The following CTDP1 variants were observed in gnomAD, a reference collection of about 807,000 sequenced individuals.
CTDP1 encodes RNA polymerase II subunit A C-terminal domain phosphatase.
A neutral mutation model predicts 91.8 loss-of-function variants in CTDP1; 47 were observed. The observed-to-expected ratio is 0.51, with a 90% CI of 0.41 to 0.65. The LOEUF (loss-of-function observed/expected upper bound fraction) is 0.65, where lower values mean the gene tolerates loss of function less well. Ranked by LOEUF, CTDP1 falls within the 30% of genes least tolerant of loss-of-function variation. The probability of loss-of-function intolerance (pLI) is 0.00; values close to 1 mark genes in which losing one functional copy is unlikely to be tolerated. For synonymous variants in CTDP1, 656 were observed against 598.5 expected, an observed-to-expected ratio of 1.10 and a Z score of -1.40; for missense variants, 1,272 against 1,373.7, an observed-to-expected ratio of 0.93 and a Z score of 1.17.
chr18:79,717,130 C>T (rs1408746599), intron 8 of CTDP1, among the ~76,000 whole-genome samples: 4 of 144,256 alleles, frequency 2.8e-5, no homozygotes, highest in Non-Finnish European at 4.5e-5. Flanking sequence ...TGGTGGGGTA[C>T]AGCTGGGTGA....
At chr18:79,715,602 A>G (rs2086191046) in intron 8 of CTDP1, 74 bp downstream of exon 8, 12 of 1,374,086 alleles carry the variant, frequency 8.7e-6, no homozygotes, top group African/African-American at 1.4e-5. Context: ...TAGAGTTGGC[A>G]TTGCTGTTTA....
chr18:79,682,670 C>T (rs564346092), intron 1 of CTDP1, among the ~76,000 whole-genome samples: 119 of 152,310 alleles, frequency 7.8e-4, no homozygotes, highest in Middle Eastern at 3.4e-3. Context: ...TTATACAGAG[C>T]GCTGACTTTC....
At position 79,714,629 on chromosome 18, in the gene CTDP1, C is replaced by A; in HGVS notation, c.1169C>A (p.Ala390Asp). ...PARELNGSEA[A>D]TPRDSPRPGK... is the part of the protein sequence containing the mutation. Reference sequence around the variant, plus strand: ...CGGGAGCTGAACGGCAGCGAGGCCGCCACCCCGCGGGACTCACCCCGCCCC... The same window carrying A: ...CGGGAGCTGAACGGCAGCGAGGCCGACACCCCGCGGGACTCACCCCGCCCC... The change falls in exon 8 of 13, where the codon GCC becomes GAC. Residue 390 changes from alanine to aspartate, a missense_variant. This residue lies in a region of CTDP1 where 881 missense variants were observed against 911.6 expected (regional missense o/e 0.97). Coordinates refer to ENST00000613122, the MANE Select transcript of CTDP1 (RefSeq NM_004715.5). 6.2e-7 allele frequency: 1 copy of A among 1,612,488 alleles called. No homozygotes were observed. The highest frequency in any genetic ancestry group is 8.5e-7 in the Non-Finnish European group (1 of 1,179,818).
chr18:79,695,088 A>G, intron 1 of CTDP1, 137 bp from the exon 2 acceptor site: 1 of 775,774 alleles, frequency 1.3e-6, no homozygotes, highest in Non-Finnish European at 2.3e-6. Flanking sequence ...TCAAGGGGTG[A>G]TGTCACCTGC....
intron 12 of CTDP1, among the ~76,000 whole-genome samples, chr18:79,747,495 G>T (rs56378884): frequency 0.13 from 19,292 of 152,254 alleles, 1,602 homozygotes; most frequent in Non-Finnish European, 0.19. Flanking sequence ...GCTTTCCTTG[G>T]CAGAGCCCAG....
chr18:79,727,203 A>ATTTAGT (rs1323889335), intron 10 of CTDP1, among the ~76,000 whole-genome samples: 1 of 152,234 alleles, frequency 6.6e-6, no homozygotes, highest in Non-Finnish European at 1.5e-5. Flanking sequence ...GGTTTTTAAC[A>ATTTAGT]TTTAGTTGAA....
chr18:79,717,554 G>A lies in CTDP1; in HGVS notation c.2088G>A (p.Gln696=), dbSNP rs148191363. The change falls in exon 9 of 13, where the codon CAG becomes CAA. Residue 696 remains glutamine, a synonymous_variant. Transcript: ENST00000613122. ...AARAGTEKVL[Q]AQECGHLHVV... is the part of the protein sequence containing the mutation. ...CTGCAGGCACAGAGAAGGTGCTGCA[G>A]GCACAGGAGTGCGGACACCTGCACG... 1.2e-6 allele frequency: 2 copies of A among 1,613,564 alleles called. No individual in the cohort carries two copies. Among genetic ancestry groups the A allele is most frequent in the Middle Eastern group, 3.4e-4 (2 of 5,866 alleles).
chr18:79,720,977 T>C (rs1029599535), intron 10 of CTDP1, among the ~76,000 whole-genome samples: 4 of 152,198 alleles, frequency 2.6e-5, no homozygotes, highest in Non-Finnish European at 4.4e-5. Context: ...TACCAGTTTA[T>C]TTTAAAGGCT....
At chr18:79,731,122 G>A (rs576085426) in intron 11 of CTDP1, among the ~76,000 whole-genome samples, 3 of 152,328 alleles carry the variant, frequency 2.0e-5, no homozygotes, top group South Asian at 4.1e-4. Flanking sequence ...CTCCCTGGAG[G>A]CTGCCGTGGC....
chr18:79,710,224 T>C, intron 5 of CTDP1, 122 bp from the exon 6 acceptor site: 3 of 810,712 alleles, frequency 3.7e-6, no homozygotes, highest in Non-Finnish European at 6.6e-6. Flanking sequence ...ATGAAGTGTT[T>C]GGTGCCAGTT....
At chr18:79,701,220 A>G (rs1024328299) in intron 4 of CTDP1, among the ~76,000 whole-genome samples, 1 of 152,172 alleles carries the variant, frequency 6.6e-6, no homozygotes. Flanking sequence ...TTTAAGAACT[A>G]CATCTCCTGG....
intron 10 of CTDP1, among the ~76,000 whole-genome samples, chr18:79,727,772 C>T (rs771403610): frequency 6.6e-5 from 10 of 152,240 alleles, no homozygotes; most frequent in East Asian, 1.9e-4. Context: ...GTATCTGGGA[C>T]GCACGCTTAG....
At chr18:79,683,792 T>A (rs954759982) in intron 1 of CTDP1, among the ~76,000 whole-genome samples, 1 of 152,142 alleles carries the variant, frequency 6.6e-6, no homozygotes, top group East Asian at 1.9e-4. Context: ...CCCGAGGGTG[T>A]TGTTGAGGAC....
At chr18:79,728,797 T>G in intron 10 of CTDP1, 110 bp from the exon 11 acceptor site, 1 of 992,992 alleles carries the variant, frequency 1.0e-6, no homozygotes, top group African/African-American at 1.7e-5. Flanking sequence ...GTGTTCCCTG[T>G]TGGGGTGTGT....
chr18:79,751,268 A>G (rs142014757), intron 12 of CTDP1, among the ~76,000 whole-genome samples: 15,361 of 133,428 alleles, frequency 0.12, 1,273 homozygotes, highest in Non-Finnish European at 0.18. Context: ...GGCTGGGCAC[A>G]CAGGGCAGGC....
Position 79,725,657 on chromosome 18 carries a change from C to G in CTDP1, c.2418-3250C>G, listed in dbSNP as rs924858499. Among the ~76,000 whole-genome samples the G allele has an allele frequency of 7.9e-4, 120 of 151,930 alleles. 2 individuals carry two copies. Among genetic ancestry groups the G allele is most frequent in the Non-Finnish European group, 2.6e-4 (18 of 67,996 alleles). ...CTCGAGCGGAGTCTCCGGTGCTTGC[C>G]CGGATTCCTGCTTCCGTCCTCACGG... is the stretch of plus-strand genomic sequence containing the variant. On this transcript the variant is annotated intron_variant, in intron 10 of 12. Coordinates refer to ENST00000613122, the MANE Select transcript of CTDP1 (RefSeq NM_004715.5).
intron 1 of CTDP1, among the ~76,000 whole-genome samples, chr18:79,685,097 G>GCAGGGA (rs1568171287): frequency 6.1e-5 from 3 of 48,900 alleles, no homozygotes; most frequent in Non-Finnish European, 9.0e-5. Flanking sequence ...CGGTGCAGAT[G>GCAGGGA]CCTCGTGGTG....
intron 11 of CTDP1, among the ~76,000 whole-genome samples, chr18:79,730,615 G>C (rs766849900): frequency 6.6e-6 from 1 of 152,222 alleles, no homozygotes; most frequent in Non-Finnish European, 1.5e-5. Flanking sequence ...AAAGCAGAAG[G>C]CTGCAGCCGT....
intron 11 of CTDP1, chr18:79,736,017 C>A: frequency 3.3e-6 from 1 of 307,614 alleles, no homozygotes; most frequent in East Asian, 7.0e-5. Flanking sequence ...TCTCATTGAT[C>A]TTGAAAATTT....
Sources: gnomAD v4.1 joint callset for allele counts (sites outside exome capture counted in the v4.1 genomes callset) on GRCh38, gnomAD v4.1.1 for gene constraint, gnomAD v4.1.1 regional missense constraint, MANE v1.5 for transcripts, NCBI Gene and HGNC (gene_info 2026-07-23, HGNC 2026-07-21) for gene names.